Variants in NEMF observed in about 807,000 individuals in gnomAD.
NEMF encodes the protein nuclear export mediator factor, also known as ribosome quality control complex subunit NEMF.
In NEMF, 89 loss-of-function variants were observed where a neutral mutation model predicts 162.2. That is an observed-to-expected ratio of 0.55 (90% CI 0.46 to 0.65). The LOEUF (loss-of-function observed/expected upper bound fraction) is 0.65, where lower values mean the gene tolerates loss of function less well. Among genes scored for constraint, NEMF ranks in the 30% least tolerant of loss-of-function variants. The pLI, the probability that NEMF is intolerant of heterozygous loss-of-function variation, is 0.00. For synonymous variants in NEMF, 421 were observed against 404.5 expected (o/e 1.04, Z -0.49); for missense variants, 1,133 against 1,261.9 (o/e 0.90, Z 1.55).
intron 25 of NEMF, among the ~76,000 whole-genome samples, chr14:49,798,892 G>A (rs890341744): frequency 6.6e-6 from 1 of 151,804 alleles, no homozygotes; most frequent in Non-Finnish European, 1.5e-5. Flanking sequence ...GGGCGACAGA[G>A]CGAGACTCCA....
chr14:49,791,172 T>G (rs1186655290), intron 26 of NEMF, among the ~76,000 whole-genome samples: 1 of 148,918 alleles, frequency 6.7e-6, no homozygotes, highest in Admixed American at 6.7e-5. Context: ...CCGTCTGTAC[T>G]AAAAATACAA....
chr14:49,800,511 G>A lies in NEMF; in HGVS notation c.2281C>T (p.Gln761Ter). The change falls in exon 23 of 33, where the codon CAG becomes TAG. Residue 761 changes from glutamine to a stop codon, truncating the protein, a stop_gained. Coordinates refer to ENST00000298310, the MANE Select transcript of NEMF (RefSeq NM_004713.6). LOFTEE classifies it high-confidence loss of function. ...EGEYEEVRKD[Q>*]DSVGEMKDEG... ...TCCTTCATTTCACCAACAGAATCCT[G>A]ATCTTTTCTAACCTCTTCATATTCT... is the stretch of plus-strand genomic sequence containing the variant. 6.2e-7 allele frequency: 1 copy of A among 1,613,800 alleles called. No individual in the cohort carries two copies. The highest frequency in any genetic ancestry group is 1.3e-5 in the African/African-American group (1 of 74,978).
At chr14:49,802,260 T>C (rs1032671753) in intron 22 of NEMF, among the ~76,000 whole-genome samples, 193 bp downstream of exon 22, 3 of 151,954 alleles carry the variant, frequency 2.0e-5, no homozygotes, top group Admixed American at 2.0e-4. Flanking sequence ...ATAAATACTT[T>C]TAAATTCACT....
At chr14:49,816,665 G>A (rs963441613) in intron 16 of NEMF, among the ~76,000 whole-genome samples, 4 of 152,210 alleles carry the variant, frequency 2.6e-5, no homozygotes, top group Non-Finnish European at 4.4e-5. Flanking sequence ...AATACTGGAG[G>A]TGGGTTTCCC....
chr14:49,851,828 G>A lies in NEMF; in HGVS notation c.107C>T (p.Thr36Ile). The change falls in exon 2 of 33, where the codon ACA becomes ATA. Residue 36 changes from threonine to isoleucine, a missense_variant. Around this residue, in one of 3 missense-constraint regions of NEMF, gnomAD observed 582 missense variants for 631.5 expected, o/e 0.92. Transcript: ENST00000298310. Reference protein sequence around the residue: ...VNNVYDVDNKTYLIRLQKPDF... With the variant: ...VNNVYDVDNKIYLIRLQKPDF... ...TTACTTTTGAAGACGAATAAGGTAT[G>A]TCTTATTATCCACATCATAAACATT... 6.3e-7 allele frequency: 1 copy of A among 1,577,946 alleles called. No individual in the cohort carries two copies. Among genetic ancestry groups the A allele is most frequent in the Middle Eastern group, 1.7e-4 (1 of 5,886 alleles).
intron 4 of NEMF, chr14:49,844,734 C>A (rs1478828726): frequency 1.2e-5 from 1 of 80,310 alleles, no homozygotes; most frequent in Non-Finnish European, 3.0e-5. Flanking sequence ...CGCGCACGCG[C>A]GCGCACACAC....
At chr14:49,785,178 A>G (rs1890109800) in intron 30 of NEMF, 42 bp downstream of exon 30, 1 of 1,603,330 alleles carries the variant, frequency 6.2e-7, no homozygotes, top group Admixed American at 1.7e-5. Context: ...GACGTTACAA[A>G]ACAATTCACA....
intron 16 of NEMF, among the ~76,000 whole-genome samples, chr14:49,824,600 A>G (rs532917825): frequency 2.7e-5 from 4 of 146,664 alleles, no homozygotes; most frequent in Non-Finnish European, 6.0e-5. Context: ...TCTATACTCA[A>G]TTTTTTTTTT....
intron 16 of NEMF, among the ~76,000 whole-genome samples, chr14:49,823,939 C>T (rs764574500): frequency 2.0e-5 from 3 of 152,078 alleles, no homozygotes; most frequent in African/African-American, 4.8e-5. Flanking sequence ...GAGGCTGAGG[C>T]GGGCAGATCA....
chr14:49,802,726 T>C lies in NEMF; in HGVS notation c.1917A>G (p.Gly639=). The change falls in exon 21 of 33, where the codon GGA becomes GGG. Residue 639 remains glycine (G), a splice_region_variant and synonymous_variant. Transcript: ENST00000298310. ...YLTTGSFMIR[G]KKNFLPPSYL... is the part of the protein sequence containing the mutation. ...ATGAGGGAGGAAGAAAATTCTTTTT[T>C]CCTACAAAAGATAACGTACATTAAT... is the stretch of plus-strand genomic sequence containing the variant. 1 of 1,609,502 alleles carries C rather than the reference T, an allele frequency of 6.2e-7. No individual in the cohort carries two copies. Among genetic ancestry groups the C allele is most frequent in the Non-Finnish European group, 8.5e-7 (1 of 1,177,238 alleles).
chr14:49,842,202 T>G (rs143044442), intron 4 of NEMF, among the ~76,000 whole-genome samples: 1 of 137,500 alleles, frequency 7.3e-6, no homozygotes, highest in African/African-American at 2.7e-5. Context: ...TTATGATAGC[T>G]CAACACAACA....
intron 8 of NEMF, 87 bp downstream of exon 8, chr14:49,833,336 G>C (rs1892736952): frequency 2.8e-6 from 2 of 707,330 alleles, no homozygotes; most frequent in African/African-American, 3.6e-5. Flanking sequence ...AAAATAAAAT[G>C]TATATATAAT....
intron 18 of NEMF, 84 bp downstream of exon 18, chr14:49,813,904 C>A: frequency 1.3e-6 from 1 of 792,814 alleles, no homozygotes; most frequent in South Asian, 1.4e-5. Flanking sequence ...ACATCTGGCC[C>A]TCTATTAAAT....
At position 49,804,341 on chromosome 14, in the gene NEMF, A is replaced by C. The variant is rs766049980; in HGVS notation, c.1858-1047T>G. On this transcript the variant is annotated intron_variant, in intron 19 of 32. Coordinates refer to ENST00000298310, the MANE Select transcript of NEMF (RefSeq NM_004713.6). Reference sequence around the variant, plus strand: ...TAGCAGATTTTTAAAAATATATCCTATTTTGGCAAAACAGAAAGTGAGTAA... The same window carrying C: ...TAGCAGATTTTTAAAAATATATCCTCTTTTGGCAAAACAGAAAGTGAGTAA... Among the ~76,000 whole-genome samples the C allele has an allele frequency of 5.3e-5, 8 of 152,222 alleles. No individual in the cohort carries two copies. The South Asian group carries it at 1.7e-3, about 32-fold the overall frequency.
chr14:49,834,282 G>A, intron 7 of NEMF, 81 bp downstream of exon 7: 1 of 882,084 alleles, frequency 1.1e-6, no homozygotes, highest in Non-Finnish European at 1.9e-6. Context: ...AGAACCACCT[G>A]CTCCCTTATT....
intron 18 of NEMF, among the ~76,000 whole-genome samples, chr14:49,811,937 T>G (rs537352382): frequency 1.2e-4 from 19 of 152,228 alleles, no homozygotes; most frequent in Admixed American, 4.6e-4. Context: ...CCTTGTAGAA[T>G]GGGTTAGGAA....
At chr14:49,817,606 T>C (rs373410509) in intron 16 of NEMF, among the ~76,000 whole-genome samples, 1 of 152,220 alleles carries the variant, frequency 6.6e-6, no homozygotes, top group African/African-American at 2.4e-5. Flanking sequence ...GTAACAGTTA[T>C]ATAGTTTTAT....
chr14:49,832,149 C>G (rs760490197), intron 9 of NEMF, 23 bp from the exon 10 acceptor site: 1 of 1,596,900 alleles, frequency 6.3e-7, no homozygotes, highest in East Asian at 2.2e-5. Context: ...TTTATTATAT[C>G]ACATTCGAGA....
chr14:49,824,056 G>A (rs1892218300), intron 16 of NEMF, among the ~76,000 whole-genome samples: 1 of 152,120 alleles, frequency 6.6e-6, no homozygotes, highest in Non-Finnish European at 1.5e-5. Flanking sequence ...TGTAATCCCA[G>A]CTACTCGGGA....
Sources: allele counts gnomAD v4.1 joint callset (sites outside exome capture counted in the v4.1 genomes callset), GRCh38; gene constraint gnomAD v4.1.1; regional missense constraint gnomAD v4.1.1; transcripts MANE v1.5; gene names NCBI Gene and HGNC (gene_info 2026-07-23, HGNC 2026-07-21).